KLF3: variants seen among roughly 807,000 people sequenced by gnomAD.
The protein encoded by KLF3 is Krueppel-like factor 3.
KLF3 carries 6 observed loss-of-function variants against 32.7 expected under a neutral mutation model. The ratio of observed to expected loss-of-function variants is 0.18; its 90% CI spans 0.10 to 0.36. The LOEUF (loss-of-function observed/expected upper bound fraction) is 0.36, where lower values mean the gene tolerates loss of function less well. KLF3 is among the 10% of genes least tolerant of loss of function. The pLI is 1.00. For missense variants in KLF3, 338 were observed against 449.7 expected, an observed-to-expected ratio of 0.75 and a Z score of 2.25; for synonymous variants, 145 against 172.8, an observed-to-expected ratio of 0.84 and a Z score of 1.26.
intron 1 of KLF3, among the ~76,000 whole-genome samples, chr4:38,667,417 C>T (rs567712814): frequency 6.6e-6 from 1 of 152,314 alleles, no homozygotes; most frequent in East Asian, 1.9e-4. Flanking sequence ...ATGGAGTTAT[C>T]ATGTCTCTAC....
chr4:38,691,660 G>A (rs1033372536), intron 4 of KLF3, among the ~76,000 whole-genome samples: 1 of 152,208 alleles, frequency 6.6e-6, no homozygotes, highest in Non-Finnish European at 1.5e-5. Context: ...ATGATCTCAA[G>A]CTCAGTGGCT....
At chr4:38,696,193 A>G (rs1181433605) in intron 5 of KLF3, among the ~76,000 whole-genome samples, 1 of 150,892 alleles carries the variant, frequency 6.6e-6, no homozygotes, top group Non-Finnish European at 1.5e-5. Flanking sequence ...TAGGAAAAAA[A>G]AAAAAAAAAA....
intron 1 of KLF3, among the ~76,000 whole-genome samples, chr4:38,675,652 G>A (rs1034054285): frequency 6.3e-5 from 9 of 142,666 alleles, no homozygotes; most frequent in African/African-American, 2.5e-4. Flanking sequence ...TAAAGACCCC[G>A]AGGTTGGCCA....
intron 4 of KLF3, chr4:38,690,563 T>G (rs1722847358): frequency 6.6e-6 from 1 of 152,268 alleles, no homozygotes; most frequent in African/African-American, 2.4e-5. Context: ...CTTGGACTAG[T>G]CACTTAATCT....
chr4:38,672,865 A>G (rs1318497602), intron 1 of KLF3, among the ~76,000 whole-genome samples: 1 of 152,036 alleles, frequency 6.6e-6, no homozygotes, highest in African/African-American at 2.4e-5. Context: ...CCAAGGCAGG[A>G]GGGGAGAGCA....
intron 2 of KLF3, among the ~76,000 whole-genome samples, chr4:38,684,001 G>A (rs1163213269): frequency 6.6e-6 from 1 of 152,098 alleles, no homozygotes; most frequent in Non-Finnish European, 1.5e-5. Context: ...GCCTTCCTGT[G>A]CCTGGAACCC....
At chr4:38,689,497 C>T (rs1017705525) in intron 3 of KLF3, among the ~76,000 whole-genome samples, 1 of 152,146 alleles carries the variant, frequency 6.6e-6, no homozygotes, top group African/African-American at 2.4e-5. Flanking sequence ...ATTATAAGAA[C>T]GAATCATTTC....
intron 5 of KLF3, among the ~76,000 whole-genome samples, chr4:38,696,504 A>C (rs1377817326): frequency 1.3e-5 from 2 of 152,208 alleles, no homozygotes; most frequent in Admixed American, 1.3e-4. Context: ...GGGGTTGTGA[A>C]AACCTGGCTC....
At chr4:38,670,201 A>C (rs1167521899) in intron 1 of KLF3, among the ~76,000 whole-genome samples, 1 of 152,150 alleles carries the variant, frequency 6.6e-6, no homozygotes, top group Non-Finnish European at 1.5e-5. Flanking sequence ...CATGCATTTC[A>C]TGTAACCCCT....
intron 2 of KLF3, among the ~76,000 whole-genome samples, chr4:38,686,970 G>A (rs1303400701): frequency 6.6e-6 from 1 of 152,156 alleles, no homozygotes; most frequent in Non-Finnish European, 1.5e-5. Context: ...AGAGAGGAAA[G>A]AGGGTGATCT....
At position 38,674,917 on chromosome 4, in the gene KLF3, G is replaced by A. The variant is rs1029155087; in HGVS notation, c.-39-5670G>A. Among the ~76,000 whole-genome samples the A allele has an allele frequency of 6.6e-6, 1 of 152,144 alleles. No individual in the cohort carries two copies. The highest frequency in any genetic ancestry group is 6.5e-5 in the Admixed American group (1 of 15,268). On this transcript the variant is annotated intron_variant, in intron 1 of 5. Coordinates refer to ENST00000261438, the MANE Select transcript of KLF3 (RefSeq NM_016531.6). This position sits in a 1 kb window ranked among gnomAD's most constrained non-coding sequence, Gnocchi z 4.1. ...CTCCAGGCAAGCTGCTTTCAGAGGA[G>A]GTTTAGTAACCCCCTAACCTCGTCT... is the stretch of plus-strand genomic sequence containing the variant.
chr4:38,686,622 T>C (rs1418646149), intron 2 of KLF3, among the ~76,000 whole-genome samples: 4 of 152,114 alleles, frequency 2.6e-5, no homozygotes, highest in Non-Finnish European at 5.9e-5. Context: ...TCCAGGGAGA[T>C]GGATGTGCAC....
intron 4 of KLF3, among the ~76,000 whole-genome samples, chr4:38,690,982 T>C (rs1208364271): frequency 2.0e-5 from 3 of 152,110 alleles, no homozygotes; most frequent in Non-Finnish European, 4.4e-5. Context: ...TGCTCCCCAA[T>C]AGATGAAGAA....
At chr4:38,687,866 C>T (rs1722749147) in intron 2 of KLF3, among the ~76,000 whole-genome samples, 1 of 152,088 alleles carries the variant, frequency 6.6e-6, no homozygotes. Flanking sequence ...GTGACTGACC[C>T]CCTCCTGGTT....
intron 1 of KLF3, among the ~76,000 whole-genome samples, chr4:38,667,769 T>C (rs572617550): frequency 6.6e-6 from 1 of 152,352 alleles, no homozygotes; most frequent in South Asian, 2.1e-4. Flanking sequence ...CCCACCCTCG[T>C]TCACGTTTAA....
intron 1 of KLF3, among the ~76,000 whole-genome samples, chr4:38,673,797 C>G (rs1286662399): frequency 6.6e-6 from 1 of 152,050 alleles, no homozygotes; most frequent in Non-Finnish European, 1.5e-5. Flanking sequence ...CTTGGTCTTT[C>G]CGAAGTACAG....
At chr4:38,680,724 A>G in intron 2 of KLF3, 42 bp downstream of exon 2, 1 of 1,436,128 alleles carries the variant, frequency 7.0e-7, no homozygotes, top group Non-Finnish European at 9.8e-7. Flanking sequence ...ATTTTTTCCA[A>G]GTGATGATAA....
At chr4:38,677,878 AGT>A (rs56675939) in intron 1 of KLF3, among the ~76,000 whole-genome samples, 15,174 of 146,170 alleles carry the variant, frequency 0.1, 888 homozygotes, top group African/African-American at 0.16. Flanking sequence ...GGGCAAAAGG[AGT>A]GTGTGTGTGT....
At chr4:38,696,521 G>A (rs1723049071) in intron 5 of KLF3, among the ~76,000 whole-genome samples, 1 of 152,186 alleles carries the variant, frequency 6.6e-6, no homozygotes, top group Non-Finnish European at 1.5e-5. Flanking sequence ...GCTCAGGACA[G>A]ATGGGGAAGA....
Sources: gnomAD v4.1 joint callset for allele counts (sites outside exome capture counted in the v4.1 genomes callset) on GRCh38, gnomAD v4.1.1 for gene constraint, Gnocchi (gnomAD v3.1) non-coding constraint, MANE v1.5 for transcripts, NCBI Gene and HGNC (gene_info 2026-07-23, HGNC 2026-07-21) for gene names.